Variants in AQR observed in about 807,000 individuals in gnomAD.
AQR encodes RNA helicase aquarius.
In AQR, 61 loss-of-function variants were observed where a neutral mutation model predicts 180.5. The ratio of observed to expected loss-of-function variants is 0.34; its 90% confidence interval spans 0.28 to 0.42. The LOEUF is 0.42. Ranked by LOEUF, AQR falls within the 10% of genes least tolerant of loss-of-function variation. AQR has a pLI of 1.00. For missense variants in AQR, 1,281 were observed against 1,798.3 expected (o/e 0.71, Z 5.20); for synonymous variants, 551 against 588.8 (o/e 0.94, Z 0.93).
rs1184686662 is a variant in AQR, at chr15:34,960,850, C to A, written c.133-36G>T. 3 of 709,804 alleles carry A rather than the reference C, an allele frequency of 4.2e-6. No homozygotes were observed. The South Asian group carries it at 5.5e-5, about 13-fold the overall frequency. 44.0% of individuals were successfully genotyped at this position (709,804 alleles called of 1,614,324 possible). A position where few individuals can be genotyped will look rare whatever the true frequency, so the allele number is the denominator to read the frequency against. Reference sequence around the variant, plus strand: ...AATATAAAAATGTTTAATATCTCAACAACTTTTTTCAACCCTAAATTGACA... The same window carrying A: ...AATATAAAAATGTTTAATATCTCAAAAACTTTTTTCAACCCTAAATTGACA... On this transcript the variant is annotated intron_variant, in intron 2 of 34. Coordinates refer to ENST00000156471, the MANE Select transcript of AQR (RefSeq NM_014691.3).
chr15:34,939,926 T>A (rs1893998212), intron 8 of AQR, among the ~76,000 whole-genome samples: 1 of 152,172 alleles, frequency 6.6e-6, no homozygotes, highest in Admixed American at 6.5e-5. Flanking sequence ...ATACAGCAAT[T>A]GAGTGTGGAA....
At chr15:34,918,764 A>G (rs1893637098) in intron 14 of AQR, among the ~76,000 whole-genome samples, 1 of 152,272 alleles carries the variant, frequency 6.6e-6, no homozygotes, top group South Asian at 2.1e-4. Context: ...GACACTTAGC[A>G]TTAATCAATG....
intron 24 of AQR, among the ~76,000 whole-genome samples, chr15:34,887,226 C>T (rs59121678): frequency 0.03 from 4,516 of 152,198 alleles, 223 homozygotes; most frequent in African/African-American, 0.098. Context: ...ACTACATCAC[C>T]AAATACACCA....
At chr15:34,881,764 A>G (rs1408476779) in intron 27 of AQR, among the ~76,000 whole-genome samples, 2 of 152,164 alleles carry the variant, frequency 1.3e-5, no homozygotes, top group Non-Finnish European at 2.9e-5. Context: ...TGAATAATCT[A>G]AGCATACAGA....
In AQR at chr15:34,853,624, C is replaced by A. The variant is rs1003527270; in HGVS notation, c.*3168G>T. On this transcript the variant is annotated 3_prime_UTR_variant, in exon 35 of 35. Transcript: ENST00000156471. ...ATTCTTCATGCTGCCTGGATTGGGG[C>A]ATGGCTAAGCACTCAAGTCAAAGGA... 1 of 152,138 alleles carries A rather than the reference C, an allele frequency of 6.6e-6. No individual in the cohort carries two copies. Among genetic ancestry groups the A allele is most frequent in the Non-Finnish European group, 1.5e-5 (1 of 68,038 alleles). 9.4% of individuals were successfully genotyped at this position (152,138 alleles called of 1,614,324 possible). A position where few individuals can be genotyped will look rare whatever the true frequency, so the allele number is the denominator to read the frequency against.
chr15:34,903,329 A>G (rs931147656), intron 19 of AQR, among the ~76,000 whole-genome samples: 1 of 152,152 alleles, frequency 6.6e-6, no homozygotes, highest in Non-Finnish European at 1.5e-5. Context: ...GGAAACCATT[A>G]AAGAATGTTA....
intron 18 of AQR, among the ~76,000 whole-genome samples, chr15:34,906,039 GA>G (rs1260101955): frequency 3.3e-5 from 5 of 151,292 alleles, no homozygotes; most frequent in East Asian, 3.9e-4. Context: ...GTCTTGGGGG[GA>G]AAAAAAGAAA....
At chr15:34,934,225 A>T (rs1205172290) in intron 10 of AQR, among the ~76,000 whole-genome samples, 2 of 150,628 alleles carry the variant, frequency 1.3e-5, no homozygotes, top group African/African-American at 4.9e-5. Flanking sequence ...ATTTTATTGT[A>T]TTGTATTAAT....
chr15:34,862,028 T>C, intron 33 of AQR, among the ~76,000 whole-genome samples: 1 of 152,034 alleles, frequency 6.6e-6, no homozygotes, highest in East Asian at 1.9e-4. Flanking sequence ...GTAACATATC[T>C]CTTCTCCTTT....
chr15:34,895,544 C>T (rs1166189316), intron 22 of AQR, among the ~76,000 whole-genome samples: 5 of 151,796 alleles, frequency 3.3e-5, no homozygotes. Context: ...AAGAAAGCTG[C>T]AGTAACGATA....
chr15:34,915,237 C>G (rs2140483355), intron 15 of AQR, 58 bp from the exon 16 acceptor site: 1 of 1,435,288 alleles, frequency 7.0e-7, no homozygotes, highest in African/African-American at 1.4e-5. Flanking sequence ...GACGGAGTCT[C>G]ACTCTGTCAC....
intron 32 of AQR, 124 bp downstream of exon 32, chr15:34,867,400 G>T: frequency 1.3e-6 from 1 of 744,724 alleles, no homozygotes; most frequent in Non-Finnish European, 2.2e-6. Flanking sequence ...ACAAAAAGCA[G>T]CAAAAGTTGC....
chr15:34,906,579 G>A lies in AQR; in HGVS notation c.1797C>T (p.Gly599=), dbSNP rs750941911. The change falls in exon 18 of 35, where the codon GGC becomes GGT. Residue 599 remains glycine (G), a synonymous_variant. Transcript: ENST00000156471. ...LVYVRGCEIQ[G]MLDDKGRVIE... ...TGACACGTCCTTTATCATCCAGCAT[G>A]CCCTGAATTTCACAGCCTCTGACAT... The A allele has an allele frequency of 1.7e-5, 28 of 1,614,018 alleles. No individual in the cohort carries two copies. Among genetic ancestry groups the A allele is most frequent in the Admixed American group, 1.5e-4 (9 of 60,010 alleles).
rs1595369022 is a variant in AQR, at chr15:34,967,602, A to T, written c.75+1937T>A. Among the ~76,000 whole-genome samples, 3 of 152,184 alleles carry T rather than the reference A, an allele frequency of 2.0e-5. No homozygotes were observed. In the East Asian group the frequency reaches 5.8e-4, roughly 29 times the overall value. On this transcript the variant is annotated intron_variant, in intron 1 of 34. Coordinates refer to ENST00000156471, the MANE Select transcript of AQR (RefSeq NM_014691.3). ...GAAGGTGGGGAGAAAAAAAATGAGG[A>T]TTCCTAGCAGAGGAACAATGTTGAA...
At chr15:34,870,629 C>A in intron 31 of AQR, 123 bp downstream of exon 31, 1 of 767,572 alleles carries the variant, frequency 1.3e-6, no homozygotes, top group South Asian at 3.5e-5. Flanking sequence ...ATTTATAGTT[C>A]CCATTATTTC....
intron 15 of AQR, among the ~76,000 whole-genome samples, chr15:34,915,848 A>G (rs1031661084): frequency 6.6e-6 from 1 of 151,988 alleles, no homozygotes; most frequent in African/African-American, 2.4e-5. Context: ...CAGGAGGCTG[A>G]GGCAGGAGAA....
At chr15:34,968,054 C>G (rs902928268) in intron 1 of AQR, among the ~76,000 whole-genome samples, 1 of 152,078 alleles carries the variant, frequency 6.6e-6, no homozygotes, top group African/African-American at 2.4e-5. Flanking sequence ...CTCAGGTGAT[C>G]GACCTGCCAC....
At chr15:34,945,406 C>T (rs374485045) in intron 5 of AQR, among the ~76,000 whole-genome samples, 25 of 152,326 alleles carry the variant, frequency 1.6e-4, no homozygotes, top group African/African-American at 5.5e-4. Context: ...TTTCCTAATG[C>T]TACTTCAACT....
chr15:34,852,497 G>C lies in AQR; in HGVS notation c.*4295C>G, dbSNP rs1419062824. The C allele has an allele frequency of 1.3e-5, 2 of 151,960 alleles. No homozygotes were observed. Among genetic ancestry groups the C allele is most frequent in the African/African-American group, 4.8e-5 (2 of 41,378 alleles). 9.4% of individuals were successfully genotyped at this position (151,960 alleles called of 1,614,324 possible). A position where few individuals can be genotyped will look rare whatever the true frequency, so the allele number is the denominator to read the frequency against. ...GTGTTCTAAGGAAATAGCTACCTAAGGTATCTTATTAAAACAAATGAACAA... is the reference window on the plus strand; with the variant it reads ...GTGTTCTAAGGAAATAGCTACCTAACGTATCTTATTAAAACAAATGAACAA... On this transcript the variant is annotated 3_prime_UTR_variant, in exon 35 of 35. Transcript: ENST00000156471.
Sources: gnomAD v4.1 joint callset for allele counts (sites outside exome capture counted in the v4.1 genomes callset) on GRCh38, gnomAD v4.1.1 for gene constraint, MANE v1.5 for transcripts, NCBI Gene and HGNC (gene_info 2026-07-23, HGNC 2026-07-21) for gene names.